The following ELFN1 variants were observed in gnomAD, a reference collection of about 807,000 sequenced individuals.
ELFN1 encodes the protein protein ELFN1.
ELFN1 carries 6 observed loss-of-function variants against 7.6 expected under a neutral mutation model. The observed-to-expected ratio is 0.79, with a 90% CI of 0.43 to 1.56. The LOEUF (loss-of-function observed/expected upper bound fraction) is 1.56. ELFN1 is among the 40% of genes most tolerant of loss of function. The pLI is 0.01. For missense variants in ELFN1, 1,169 were observed against 1,232.2 expected (o/e 0.95, Z 0.77); for synonymous variants, 657 against 588.1 (o/e 1.12, Z -1.70).
chr7:1,670,163 G>A (rs1423463155), upstream of ELFN1, among the ~76,000 whole-genome samples: 2 of 146,032 alleles, frequency 1.4e-5, no homozygotes, highest in Non-Finnish European at 3.0e-5. This position sits in a 1 kb window ranked among gnomAD's most constrained non-coding sequence, Gnocchi z 6.4. Flanking sequence ...AGGAGGGAGG[G>A]AGGGAGGGAA....
intron 1 of ELFN1, among the ~76,000 whole-genome samples, chr7:1,684,188 C>T (rs1779021507): frequency 6.6e-6 from 1 of 152,122 alleles, no homozygotes; most frequent in Non-Finnish European, 1.5e-5. Flanking sequence ...TCTGTTATGG[C>T]TAATATTTGC....
intron 1 of ELFN1, among the ~76,000 whole-genome samples, chr7:1,676,927 A>G (rs1431964505): frequency 6.6e-6 from 1 of 152,098 alleles, no homozygotes; most frequent in Non-Finnish European, 1.5e-5. Context: ...CATCCCTCTG[A>G]TGTCGACGGA....
At position 1,747,816 on chromosome 7, in the gene ELFN1, A is replaced by G. The variant is rs1583415402; in HGVS notation, c.*733A>G. On this transcript the variant is annotated 3_prime_UTR_variant, in exon 4 of 4. Coordinates refer to ENST00000424383, the MANE Select transcript of ELFN1 (RefSeq NM_001128636.4). ...GTACACTGTAGTCGTTCTATTGTAC[A>G]GAAAAAAATATTTCTATATTTGCAA... 6.0e-6 allele frequency: 1 copy of G among 166,420 alleles called. No homozygotes were observed. Among genetic ancestry groups the G allele is most frequent in the Non-Finnish European group, 1.5e-5 (1 of 68,080 alleles). The allele number at this position is 166,420 out of a possible 1,614,324, so 10.3% of individuals were successfully genotyped here.
intron 2 of ELFN1, among the ~76,000 whole-genome samples, chr7:1,703,879 T>C (rs1779477771): frequency 6.6e-6 from 1 of 152,184 alleles, no homozygotes; most frequent in Non-Finnish European, 1.5e-5. Flanking sequence ...CGGGTACTGA[T>C]GACACCTGTC....
chr7:1,672,458 C>G (rs1159042179), intron 1 of ELFN1, among the ~76,000 whole-genome samples: 5 of 152,108 alleles, frequency 3.3e-5, no homozygotes, highest in Admixed American at 1.3e-4. Context: ...TGTCTCGGAC[C>G]CCGGCATTTG....
chr7:1,730,449 A>G (rs1044631730), intron 3 of ELFN1, among the ~76,000 whole-genome samples: 1 of 152,228 alleles, frequency 6.6e-6, no homozygotes, highest in African/African-American at 2.4e-5. Context: ...ACTCAAGGAA[A>G]TCCAATTCCA....
Position 1,673,639 on chromosome 7 carries a change from C to T in ELFN1, c.-549+3285C>T, listed in dbSNP as rs117051541. 0.03 allele frequency among the ~76,000 whole-genome samples: 4,516 copies of T among 152,296 alleles called. 86 individuals carry two copies. The highest frequency in any genetic ancestry group is 0.058 in the Middle Eastern group (17 of 294). Reference sequence around the variant, plus strand: ...ATGGCAGACAAGGGCCAACTGTGTGCCCTACCTGGAGCCTGGGACAAAGCC... The same window carrying T: ...ATGGCAGACAAGGGCCAACTGTGTGTCCTACCTGGAGCCTGGGACAAAGCC... On this transcript the variant is annotated intron_variant, in intron 1 of 3. Transcript: ENST00000424383. This position sits in a 1 kb window ranked among gnomAD's most constrained non-coding sequence, Gnocchi z 4.7.
intron 2 of ELFN1, among the ~76,000 whole-genome samples, chr7:1,704,726 C>A (rs1309967630): frequency 1.3e-5 from 2 of 152,076 alleles, no homozygotes; most frequent in African/African-American, 2.4e-5. Context: ...CAGGTCTGGG[C>A]ACCCCTCCAC....
chr7:1,746,318 C>G lies in ELFN1; in HGVS notation c.1722C>G (p.Asp574Glu), dbSNP rs769154454. The G allele has an allele frequency of 6.4e-7, 1 of 1,572,324 alleles. No individual in the cohort carries two copies. Among genetic ancestry groups the G allele is most frequent in the East Asian group, 2.4e-5 (1 of 42,280 alleles). ...ACCAGATCATCAACAACTGCATCGA[C>G]GCGCTCAAGTCCGAGTCCACCTCCT... ...KVNQIINNCIDALKSESTSFQ... is the reference protein window; with the variant it reads ...KVNQIINNCIEALKSESTSFQ... Residue 574 changes from aspartate to glutamate, a missense_variant, in exon 4 of 4, where the codon GAC becomes GAG. Transcript: ENST00000424383.
At chr7:1,668,428 C>A (rs1415974488), upstream of ELFN1, among the ~76,000 whole-genome samples, 1 of 152,244 alleles carries the variant, frequency 6.6e-6, no homozygotes, top group African/African-American at 2.4e-5. Context: ...CTGGGGGAAC[C>A]TGCTGGAAAT....
At chr7:1,689,818 G>A (rs1244924791) in intron 2 of ELFN1, among the ~76,000 whole-genome samples, 1 of 152,170 alleles carries the variant, frequency 6.6e-6, no homozygotes, top group Non-Finnish European at 1.5e-5. Flanking sequence ...CCAATGGGGA[G>A]TCCTCTGGTT....
chr7:1,738,281 G>A (rs1035731323), intron 3 of ELFN1, among the ~76,000 whole-genome samples: 1 of 152,196 alleles, frequency 6.6e-6, no homozygotes, highest in African/African-American at 2.4e-5. Context: ...GTCAGACACT[G>A]AAGCTGGTAC....
chr7:1,720,743 C>T (rs1394370898), intron 3 of ELFN1, among the ~76,000 whole-genome samples: 16 of 151,526 alleles, frequency 1.1e-4, no homozygotes, highest in Admixed American at 7.9e-4. Flanking sequence ...CCCCACCCCC[C>T]GCACCTAGTA....
chr7:1,686,182 A>G (rs1779059004), intron 1 of ELFN1, among the ~76,000 whole-genome samples: 1 of 151,792 alleles, frequency 6.6e-6, no homozygotes, highest in South Asian at 2.1e-4. Context: ...TGTATTCCCA[A>G]GAGTTGCTAG....
chr7:1,701,115 G>A (rs937159959), intron 2 of ELFN1, among the ~76,000 whole-genome samples: 25 of 151,644 alleles, frequency 1.6e-4, no homozygotes, highest in African/African-American at 4.8e-4. Context: ...ATATGTGTGC[G>A]TATGTGAGCC....
intron 1 of ELFN1, among the ~76,000 whole-genome samples, chr7:1,687,074 T>A (rs908761216): frequency 2.0e-5 from 3 of 152,088 alleles, no homozygotes; most frequent in Non-Finnish European, 1.5e-5. Flanking sequence ...GTTTTTATGA[T>A]TTGCCTTGCC....
At chr7:1,725,148 G>A (rs527708392) in intron 3 of ELFN1, among the ~76,000 whole-genome samples, 2 of 152,380 alleles carry the variant, frequency 1.3e-5, no homozygotes, top group African/African-American at 4.8e-5. Flanking sequence ...TTAGGGAGGG[G>A]AAGCAGGTGA....
In ELFN1 at chr7:1,746,533, T is replaced by G. The variant is rs1371736133; in HGVS notation, c.1937T>G (p.Val646Gly). 7.0e-7 allele frequency: 1 copy of G among 1,429,518 alleles called. No homozygotes were observed. Among genetic ancestry groups the G allele is most frequent in the African/African-American group, 1.5e-5 (1 of 66,182 alleles). The allele number at this position is 1,429,518 out of a possible 1,614,324, so 88.6% of individuals were successfully genotyped here. ...PRASTSSSGS[V>G]RSPRAFRAEA... The stretch of plus-strand genomic sequence containing the variant: ...GCCAGCACCTCGTCCAGCGGCTCCG[T>G]GCGCAGCCCCCGCGCCTTCCGAGCC... Residue 646 changes from valine to glycine, a missense_variant, in exon 4 of 4, where the codon GTG becomes GGG. Coordinates refer to ENST00000424383, the MANE Select transcript of ELFN1 (RefSeq NM_001128636.4).
At chr7:1,689,760 A>G (rs1360702745) in intron 2 of ELFN1, among the ~76,000 whole-genome samples, 2 of 152,182 alleles carry the variant, frequency 1.3e-5, no homozygotes, top group Non-Finnish European at 2.9e-5. Context: ...GGCGAGTGCT[A>G]CACTGAGATG....
Sources: gnomAD v4.1 joint callset for allele counts (sites outside exome capture counted in the v4.1 genomes callset) on GRCh38, gnomAD v4.1.1 for gene constraint, Gnocchi (gnomAD v3.1) non-coding constraint, MANE v1.5 for transcripts, NCBI Gene and HGNC (gene_info 2026-07-23, HGNC 2026-07-21) for gene names.